DOCK3: variants seen among roughly 807,000 people sequenced by gnomAD.
The protein encoded by DOCK3 is dedicator of cytokinesis protein 3.
A neutral mutation model predicts 265.6 loss-of-function variants in DOCK3; 60 were observed. The observed-to-expected ratio is 0.23, with a 90% confidence interval of 0.18 to 0.28. The LOEUF (loss-of-function observed/expected upper bound fraction) is 0.28. DOCK3 is among the 10% of genes least tolerant of loss of function. The pLI, the probability that DOCK3 is intolerant of heterozygous loss-of-function variation, is 1.00. For missense variants in DOCK3, 1,981 were observed against 2,594.3 expected, an observed-to-expected ratio of 0.76 and a Z score of 5.14; for synonymous variants, 881 against 938.0, an observed-to-expected ratio of 0.94 and a Z score of 1.11.
chr3:51,217,413 T>A (rs2089847671), intron 14 of DOCK3, among the ~76,000 whole-genome samples: 1 of 152,236 alleles, frequency 6.6e-6, no homozygotes, highest in Non-Finnish European at 1.5e-5. Flanking sequence ...TGACCCATGA[T>A]AATGAGCAAG....
intron 44 of DOCK3, among the ~76,000 whole-genome samples, 173 bp downstream of exon 44, chr3:51,357,314 C>T (rs1263218062): frequency 2.0e-5 from 3 of 152,220 alleles, no homozygotes; most frequent in Non-Finnish European, 4.4e-5. Flanking sequence ...TTCTTTGGCA[C>T]AGTTTGGTAG....
At chr3:51,153,563 T>A (rs1257080394) in intron 10 of DOCK3, among the ~76,000 whole-genome samples, 3 of 152,178 alleles carry the variant, frequency 2.0e-5, no homozygotes, top group African/African-American at 7.2e-5. Context: ...TAGTTGGAAA[T>A]GCAGAAATCA....
At chr3:51,313,420 G>T (rs1401728234) in intron 31 of DOCK3, among the ~76,000 whole-genome samples, 1 of 152,232 alleles carries the variant, frequency 6.6e-6, no homozygotes, top group African/African-American at 2.4e-5. Context: ...CAACCTCTGG[G>T]TGAGATCAGT....
intron 4 of DOCK3, among the ~76,000 whole-genome samples, chr3:50,920,226 C>T (rs2050366580): frequency 6.6e-6 from 1 of 152,140 alleles, no homozygotes. Context: ...TGTTGTGCCT[C>T]TGCTAGGCTT....
In DOCK3 at chr3:51,165,523, A is replaced by G. The variant is rs549178906; in HGVS notation, c.1037+4821A>G. Reference sequence around the variant, plus strand: ...ATTAACTATAGCTACCATGCTGTACATAAATCTCCAGAAGTTATTTATCTT... The same window carrying G: ...ATTAACTATAGCTACCATGCTGTACGTAAATCTCCAGAAGTTATTTATCTT... On this transcript the variant is annotated intron_variant, in intron 12 of 52. Coordinates refer to ENST00000266037, the MANE Select transcript of DOCK3 (RefSeq NM_004947.5). Among the ~76,000 whole-genome samples the G allele has an allele frequency of 2.0e-5, 3 of 152,380 alleles. No individual in the cohort carries two copies. The East Asian group carries it at 5.8e-4, about 29-fold the overall frequency.
chr3:51,096,776 A>G (rs968592443), intron 9 of DOCK3, among the ~76,000 whole-genome samples: 2 of 152,038 alleles, frequency 1.3e-5, no homozygotes, highest in Admixed American at 1.3e-4. Context: ...ATCTTCGTGG[A>G]TTTATCTACC....
At chr3:51,305,721 T>TGTGTGTGTGC (rs1553847716) in intron 27 of DOCK3, among the ~76,000 whole-genome samples, 13 of 48,928 alleles carry the variant, frequency 2.7e-4, no homozygotes, top group East Asian at 2.3e-3. Flanking sequence ...TGTGTCTGTG[T>TGTGTGTGTGC]GTGTGTGTGT....
At chr3:50,721,080 T>A (rs1302161262) in intron 1 of DOCK3, among the ~76,000 whole-genome samples, 1 of 152,170 alleles carries the variant, frequency 6.6e-6, no homozygotes, top group African/African-American at 2.4e-5. Flanking sequence ...TTGTTTAAGT[T>A]CCTTAAGATT....
At chr3:51,175,609 G>C (rs137868398) in intron 12 of DOCK3, among the ~76,000 whole-genome samples, 79 of 152,296 alleles carry the variant, frequency 5.2e-4, no homozygotes, top group Non-Finnish European at 9.4e-4. Flanking sequence ...TCTCCCAGCA[G>C]GTCCCTGGAT....
At chr3:50,749,958 A>G (rs995116008) in intron 1 of DOCK3, among the ~76,000 whole-genome samples, 1 of 151,968 alleles carries the variant, frequency 6.6e-6, no homozygotes, top group Non-Finnish European at 1.5e-5. Flanking sequence ...GGGGCCCCCA[A>G]CCCCTGGGCC....
At chr3:51,118,070 T>C (rs2083823442) in intron 9 of DOCK3, among the ~76,000 whole-genome samples, 1 of 152,204 alleles carries the variant, frequency 6.6e-6, no homozygotes, top group Non-Finnish European at 1.5e-5. Context: ...TTTTAGATCT[T>C]TCCTGTTTTC....
chr3:51,119,209 C>G (rs548420551), intron 9 of DOCK3, among the ~76,000 whole-genome samples: 3 of 152,278 alleles, frequency 2.0e-5, no homozygotes, highest in African/African-American at 7.2e-5. Context: ...AATTATATTT[C>G]TCCTTCACTT....
intron 12 of DOCK3, among the ~76,000 whole-genome samples, chr3:51,181,260 T>C (rs1227950655): frequency 6.6e-6 from 1 of 151,120 alleles, no homozygotes; most frequent in East Asian, 2.0e-4. Context: ...TTATATTAGG[T>C]ATATCTCCTA....
intron 4 of DOCK3, among the ~76,000 whole-genome samples, chr3:50,920,986 C>G (rs1420743253): frequency 6.6e-6 from 1 of 152,160 alleles, no homozygotes. Context: ...ATCTTTATTT[C>G]TGCCTTTATT....
At chr3:51,105,592 G>T (rs1483911486) in intron 9 of DOCK3, among the ~76,000 whole-genome samples, 2 of 152,124 alleles carry the variant, frequency 1.3e-5, no homozygotes, top group Non-Finnish European at 2.9e-5. Context: ...TAACCATAAA[G>T]AATGAAGTAT....
At chr3:50,798,959 C>A (rs2042932095) in intron 2 of DOCK3, among the ~76,000 whole-genome samples, 2 of 152,082 alleles carry the variant, frequency 1.3e-5, no homozygotes, top group Admixed American at 1.3e-4. Flanking sequence ...GTTTTTTCAG[C>A]ATAATTTATT....
intron 1 of DOCK3, among the ~76,000 whole-genome samples, chr3:50,699,728 A>G (rs1306244653): frequency 2.6e-5 from 4 of 152,190 alleles, no homozygotes; most frequent in African/African-American, 7.2e-5. Context: ...CTGCAGCGCA[A>G]GAGGCTTGCA....
At chr3:50,918,119 A>T (rs921056226) in intron 4 of DOCK3, among the ~76,000 whole-genome samples, 1 of 152,082 alleles carries the variant, frequency 6.6e-6, no homozygotes, top group Non-Finnish European at 1.5e-5. Flanking sequence ...GTAGTATTCC[A>T]TGGTGTATGT....
intron 36 of DOCK3, 38 bp downstream of exon 36, chr3:51,338,457 G>A (rs1295761760): frequency 8.4e-6 from 13 of 1,551,016 alleles, no homozygotes; most frequent in Non-Finnish European, 1.1e-5. Flanking sequence ...TCTGCCTACT[G>A]AAATGGTTTC....
Sources: gnomAD v4.1 joint callset for allele counts (sites outside exome capture counted in the v4.1 genomes callset) on GRCh38, gnomAD v4.1.1 for gene constraint, MANE v1.5 for transcripts, NCBI Gene and HGNC (gene_info 2026-07-23, HGNC 2026-07-21) for gene names.